DOCK3: variants seen among roughly 807,000 people sequenced by gnomAD.
DOCK3 encodes dedicator of cytokinesis protein 3.
A neutral mutation model predicts 265.6 loss-of-function variants in DOCK3; 60 were observed. The observed-to-expected ratio is 0.23, with a 90% CI of 0.18 to 0.28. DOCK3 has a LOEUF of 0.28. DOCK3 is among the 10% of genes least tolerant of loss of function. The pLI, the probability that DOCK3 is intolerant of heterozygous loss-of-function variation, is 1.00. For missense variants in DOCK3, 1,981 were observed against 2,594.3 expected (o/e 0.76, Z 5.14); for synonymous variants, 881 against 938.0 (o/e 0.94, Z 1.11).
chr3:51,338,858 CGGCTATGGCCAGCTGCCCAGAGCTT>C (rs1267282598), intron 36 of DOCK3, 52 bp from the exon 37 acceptor site: 1 of 1,282,208 alleles, frequency 7.8e-7, no homozygotes, highest in Non-Finnish European at 1.1e-6. Context: ...AGCACACCCA[CGGCTATGGCCAGCTGCCCAGAGCTT>C]GGCTATGGCT....
chr3:51,040,283 A>G (rs936233830), intron 5 of DOCK3, among the ~76,000 whole-genome samples: 1 of 151,806 alleles, frequency 6.6e-6, no homozygotes, highest in African/African-American at 2.4e-5. Context: ...TACTACCGGC[A>G]TACACCTCAG....
rs200890236 is a variant in DOCK3, at chr3:51,016,960, T to TTATA, written c.316-47479_316-47476dup. Among the ~76,000 whole-genome samples, 16 of 106,886 alleles carry TTATA rather than the reference T, an allele frequency of 1.5e-4. 3 individuals carry two copies. The highest frequency in any genetic ancestry group is 2.7e-4 in the African/African-American group (7 of 26,222). The allele number at this position is 106,886 out of a possible 152,430, so 70.1% of individuals were successfully genotyped here. On this transcript the variant is annotated intron_variant, in intron 5 of 52. Coordinates refer to ENST00000266037, the MANE Select transcript of DOCK3 (RefSeq NM_004947.5). ...ATATATGTTATATATAATATATATA[T>TTATA]TATATATATATAAATAAATGGTAAA...
intron 22 of DOCK3, among the ~76,000 whole-genome samples, chr3:51,258,654 C>G (rs1260853866): frequency 6.6e-6 from 1 of 152,082 alleles, no homozygotes; most frequent in Non-Finnish European, 1.5e-5. Context: ...TTTTAGGCTG[C>G]TCCAAGAAGT....
At chr3:50,933,537 G>A (rs938886158) in intron 4 of DOCK3, among the ~76,000 whole-genome samples, 2 of 151,828 alleles carry the variant, frequency 1.3e-5, no homozygotes, top group Non-Finnish European at 2.9e-5. Flanking sequence ...GTTTAATTGT[G>A]TGGGTTCCTC....
intron 2 of DOCK3, among the ~76,000 whole-genome samples, chr3:50,788,534 T>A (rs2042299392): frequency 6.6e-6 from 1 of 152,226 alleles, no homozygotes; most frequent in African/African-American, 2.4e-5. Context: ...TTGGTGCATC[T>A]TATCTGGGCC....
At chr3:50,761,112 A>T (rs917528380) in intron 1 of DOCK3, among the ~76,000 whole-genome samples, 1 of 151,866 alleles carries the variant, frequency 6.6e-6, no homozygotes, top group African/African-American at 2.4e-5. Context: ...TACACATAAG[A>T]TCCTGTCTTC....
At chr3:50,822,280 G>A (rs923477751) in intron 2 of DOCK3, among the ~76,000 whole-genome samples, 3 of 152,026 alleles carry the variant, frequency 2.0e-5, no homozygotes, top group African/African-American at 7.2e-5. Context: ...TTGTAAGTGG[G>A]ATTGTGTTCT....
intron 2 of DOCK3, among the ~76,000 whole-genome samples, chr3:50,815,619 ATTTT>A (rs34790456): frequency 6.8e-6 from 1 of 146,486 alleles, no homozygotes; most frequent in South Asian, 2.1e-4. Flanking sequence ...ACGGAAGGCA[ATTTT>A]TTTTTTTTTG....
At chr3:50,791,525 C>T (rs891976043) in intron 2 of DOCK3, among the ~76,000 whole-genome samples, 1 of 152,026 alleles carries the variant, frequency 6.6e-6, no homozygotes, top group East Asian at 1.9e-4. Flanking sequence ...CCACCCGCCT[C>T]GGCCTCCCAA....
At chr3:50,799,793 G>C (rs1040608605) in intron 2 of DOCK3, among the ~76,000 whole-genome samples, 2 of 152,094 alleles carry the variant, frequency 1.3e-5, no homozygotes, top group African/African-American at 2.4e-5. Flanking sequence ...TAGAGGAAAA[G>C]CTTTCAGTTT....
intron 1 of DOCK3, among the ~76,000 whole-genome samples, chr3:50,753,468 A>C (rs1395339424): frequency 2.0e-5 from 3 of 152,064 alleles, no homozygotes; most frequent in African/African-American, 4.8e-5. Context: ...TCAGCCTCCC[A>C]AGTTGGGACT....
At chr3:51,335,618 A>G (rs1365552844) in intron 35 of DOCK3, among the ~76,000 whole-genome samples, 2 of 152,262 alleles carry the variant, frequency 1.3e-5, no homozygotes, top group African/African-American at 4.8e-5. Flanking sequence ...AATGAGTGAT[A>G]AACTTGTTGG....
At chr3:51,070,160 A>G (rs183362619) in intron 6 of DOCK3, among the ~76,000 whole-genome samples, 2 of 152,302 alleles carry the variant, frequency 1.3e-5, no homozygotes, top group African/African-American at 2.4e-5. Context: ...GGTAGGCACT[A>G]TGTGAACGTA....
At chr3:51,000,777 C>T (rs1322872545) in intron 5 of DOCK3, among the ~76,000 whole-genome samples, 4 of 152,202 alleles carry the variant, frequency 2.6e-5, no homozygotes, top group Middle Eastern at 3.4e-3. Flanking sequence ...CTCAGCCTCC[C>T]GAGTAGCTGG....
intron 32 of DOCK3, among the ~76,000 whole-genome samples, chr3:51,316,326 C>T (rs1171436660): frequency 6.6e-6 from 1 of 152,186 alleles, no homozygotes; most frequent in Non-Finnish European, 1.5e-5. Flanking sequence ...GTATCAGTAG[C>T]TTTTCTATGC....
chr3:51,018,334 A>G (rs2079442170), intron 5 of DOCK3, among the ~76,000 whole-genome samples: 1 of 151,528 alleles, frequency 6.6e-6, no homozygotes, highest in African/African-American at 2.4e-5. Flanking sequence ...GTGGTGGCTC[A>G]TGCCTGTAAT....
intron 35 of DOCK3, chr3:51,337,039 A>G (rs73837432): frequency 0.016 from 6,152 of 387,458 alleles, 350 homozygotes; most frequent in African/African-American, 0.11. Flanking sequence ...GCTAGCGCTA[A>G]AGGGACAGGT....
At chr3:50,881,917 G>C (rs902883955) in intron 3 of DOCK3, among the ~76,000 whole-genome samples, 1 of 152,056 alleles carries the variant, frequency 6.6e-6, no homozygotes, top group African/African-American at 2.4e-5. Flanking sequence ...CCAAAACAGA[G>C]ATATAGACCA....
At chr3:51,301,218 TG>T (rs1471781992) in intron 27 of DOCK3, among the ~76,000 whole-genome samples, 1 of 152,120 alleles carries the variant, frequency 6.6e-6, no homozygotes, top group Non-Finnish European at 1.5e-5. Flanking sequence ...TTCTGATGGT[TG>T]TTTGTATTTC....
Sources: gnomAD v4.1 joint callset for allele counts (sites outside exome capture counted in the v4.1 genomes callset) on GRCh38, gnomAD v4.1.1 for gene constraint, MANE v1.5 for transcripts, NCBI Gene and HGNC (gene_info 2026-07-23, HGNC 2026-07-21) for gene names.